Variants in WNT5B observed in about 807,000 individuals in gnomAD.
The protein encoded by WNT5B is protein Wnt-5b.
In WNT5B, 18 loss-of-function variants were observed where a neutral mutation model predicts 36.5. The observed-to-expected ratio is 0.49, with a 90% CI of 0.34 to 0.73. The LOEUF is 0.73. Ranked by LOEUF, WNT5B falls within the 30% of genes least tolerant of loss-of-function variation. WNT5B has a pLI of 0.01. For synonymous variants in WNT5B, 213 were observed against 212.3 expected, an observed-to-expected ratio of 1.00 and a Z score of -0.03; for missense variants, 424 against 508.4, an observed-to-expected ratio of 0.83 and a Z score of 1.60.
intron 1 of WNT5B, among the ~76,000 whole-genome samples, chr12:1,622,195 C>G (rs1340240147): frequency 2.0e-5 from 3 of 151,174 alleles, no homozygotes; most frequent in African/African-American, 7.3e-5. Context: ...ACTGCAAGCT[C>G]CGCTTCCCGG....
In WNT5B at chr12:1,618,591, C is replaced by G. The variant is rs1486504900; in HGVS notation, c.-58+1448C>G. Among the ~76,000 whole-genome samples the G allele has an allele frequency of 6.6e-6, 1 of 152,230 alleles. No individual in the cohort carries two copies. Among genetic ancestry groups the G allele is most frequent in the Non-Finnish European group, 1.5e-5 (1 of 68,044 alleles). ...TGACCTGTGACCTATACACTTCTGCCTTCTTTTCTAGAGCATATTTTAAAA... is the reference window on the plus strand; with the variant it reads ...TGACCTGTGACCTATACACTTCTGCGTTCTTTTCTAGAGCATATTTTAAAA... On this transcript the variant is annotated intron_variant, in intron 1 of 4. Coordinates refer to the WNT5B transcript ENST00000310594. The surrounding 1 kb of genome is among the most constrained non-coding windows in gnomAD (Gnocchi z 4.1).
At chr12:1,634,390 A>T (rs10848539) in intron 3 of WNT5B, among the ~76,000 whole-genome samples, 116,145 of 152,116 alleles carry the variant, frequency 0.76, 44,648 homozygotes, top group East Asian at 0.98. Context: ...GAAGACCTAA[A>T]GTAGGCCTGA....
Position 1,633,033 on chromosome 12 carries a change from G to C in WNT5B, c.328+128G>C. Reference sequence around the variant, plus strand: ...CCTAAGTGGGCTCTCTCTAGGCTTGGCAGCAGTGTGCACCACGAGAGAGGC... The same window carrying C: ...CCTAAGTGGGCTCTCTCTAGGCTTGCCAGCAGTGTGCACCACGAGAGAGGC... On this transcript the variant is annotated intron_variant, in intron 3 of 4. Transcript: ENST00000397196. This position sits in a 1 kb window ranked among gnomAD's most constrained non-coding sequence, Gnocchi z 4.8. 7.4e-7 allele frequency: 1 copy of C among 1,355,828 alleles called. No homozygotes were observed. The highest frequency in any genetic ancestry group is 9.9e-7 in the Non-Finnish European group (1 of 1,013,682). The allele number at this position is 1,355,828 out of a possible 1,614,324, so 84.0% of individuals were successfully genotyped here. A position where few individuals can be genotyped will look rare whatever the true frequency, so the allele number is the denominator to read the frequency against.
chr12:1,637,581 CAA>C (rs61542245), intron 3 of WNT5B, among the ~76,000 whole-genome samples: 1,579 of 110,362 alleles, frequency 0.014, 17 homozygotes, highest in African/African-American at 0.03. Flanking sequence ...ACTAAACATA[CAA>C]AAAAAAAAAA....
intron 3 of WNT5B, among the ~76,000 whole-genome samples, chr12:1,635,966 CAAG>C (rs2094559874): frequency 6.6e-6 from 1 of 152,154 alleles, no homozygotes; most frequent in South Asian, 2.1e-4. Context: ...CCCAGATAAT[CAAG>C]AAGTAGGGCC....
At chr12:1,626,194 A>G (rs1356918276), upstream of WNT5B, among the ~76,000 whole-genome samples, 1 of 151,852 alleles carries the variant, frequency 6.6e-6, no homozygotes, top group Non-Finnish European at 1.5e-5. Context: ...CCTGGGCTCA[A>G]GCAAGCCTCC....
At chr12:1,623,474 C>T (rs896713501) in intron 1 of WNT5B, among the ~76,000 whole-genome samples, 47 of 152,198 alleles carry the variant, frequency 3.1e-4, no homozygotes, top group African/African-American at 1.0e-3. Context: ...GGATTACAGG[C>T]TTGAGCCACC....
At chr12:1,639,170 C>G (rs1307387059) in intron 3 of WNT5B, among the ~76,000 whole-genome samples, 2 of 151,312 alleles carry the variant, frequency 1.3e-5, no homozygotes, top group Non-Finnish European at 2.9e-5. Context: ...CAGAGTCTCA[C>G]TCTGTCGCCC....
intron 3 of WNT5B, 67 bp from the exon 4 acceptor site, chr12:1,639,617 C>CGGGGGGAAGGACAGGTCCCCGGGA (rs2094570113): frequency 1.4e-6 from 2 of 1,424,226 alleles, no homozygotes; most frequent in South Asian, 3.0e-5. Flanking sequence ...TCGGGGGAGA[C>CGGGGGGAAGGACAGGTCCCCGGGA]GGGGGGAAGG....
chr12:1,619,668 C>G (rs2154439211), intron 1 of WNT5B, among the ~76,000 whole-genome samples: 1 of 152,036 alleles, frequency 6.6e-6, no homozygotes, highest in South Asian at 2.1e-4. Flanking sequence ...AAAAGTGAGA[C>G]AGAGGGTGAT....
intron 1 of WNT5B, among the ~76,000 whole-genome samples, chr12:1,623,599 C>T (rs1247774850): frequency 6.6e-6 from 1 of 152,158 alleles, no homozygotes; most frequent in South Asian, 2.1e-4. Context: ...TTTGTGCTAT[C>T]GAAGTAAGAG....
At chr12:1,637,011 T>A (rs1415160508) in intron 3 of WNT5B, among the ~76,000 whole-genome samples, 3 of 152,046 alleles carry the variant, frequency 2.0e-5, no homozygotes, top group African/African-American at 7.2e-5. Context: ...CCCAGCTTAA[T>A]TTTTTTCTTT....
chr12:1,626,236 G>A (rs1391087912), upstream of WNT5B, among the ~76,000 whole-genome samples: 1 of 151,770 alleles, frequency 6.6e-6, no homozygotes, highest in Non-Finnish European at 1.5e-5. Context: ...TGGGATTATA[G>A]GTGTGAGCTA....
rs1205479686 is a variant in WNT5B at position 1,633,111 on chromosome 12, T to C, written c.328+206T>C. 6.6e-6 allele frequency among the ~76,000 whole-genome samples: 1 copy of C among 152,096 alleles called. No homozygotes were observed. Among genetic ancestry groups the C allele is most frequent in the Admixed American group, 6.5e-5 (1 of 15,280 alleles). On this transcript the variant is annotated intron_variant, in intron 3 of 4. Coordinates refer to ENST00000397196, the MANE Select transcript of WNT5B (RefSeq NM_032642.3). This position sits in a 1 kb window ranked among gnomAD's most constrained non-coding sequence, Gnocchi z 4.8. ...GCAGAAACCACACGCTTGATGTTCC[T>C]CTAGCTCTCTGCCTTCCAGCCTCAC...
chr12:1,634,790 C>T (rs760874975), intron 3 of WNT5B, among the ~76,000 whole-genome samples: 3 of 152,152 alleles, frequency 2.0e-5, no homozygotes, highest in African/African-American at 2.4e-5. Flanking sequence ...CACCAGAGGG[C>T]GGCAGAGCAG....
intron 3 of WNT5B, 26 bp from the exon 4 acceptor site, chr12:1,639,658 C>T (rs1012690943): frequency 4.0e-6 from 6 of 1,485,216 alleles, no homozygotes; most frequent in South Asian, 1.4e-5. Flanking sequence ...AGCGCACCCG[C>T]TTACCGCCCT....
chr12:1,639,566 CTGCCCCAGGGGTGTCAGCAGAGCCG>C, intron 3 of WNT5B, 93 bp from the exon 4 acceptor site: 1 of 1,188,072 alleles, frequency 8.4e-7, no homozygotes, highest in Non-Finnish European at 1.1e-6. Context: ...GCGAAGCCCC[CTGCCCCAGGGGTGTCAGCAGAGCCG>C]TGGCGTGCGG....
chr12:1,638,205 T>C (rs1390600837), intron 3 of WNT5B, among the ~76,000 whole-genome samples: 1 of 151,946 alleles, frequency 6.6e-6, no homozygotes, highest in Non-Finnish European at 1.5e-5. Flanking sequence ...GAGATTGTGC[T>C]ACTGCACTCC....
chr12:1,640,636 G>A (rs2094573258), intron 4 of WNT5B, among the ~76,000 whole-genome samples: 1 of 152,208 alleles, frequency 6.6e-6, no homozygotes, highest in Admixed American at 6.5e-5. Flanking sequence ...GGGGAGCTGG[G>A]TTCATTGTAT....
Sources: allele counts gnomAD v4.1 joint callset (sites outside exome capture counted in the v4.1 genomes callset), GRCh38; gene constraint gnomAD v4.1.1; non-coding constraint Gnocchi (gnomAD v3.1); transcripts MANE v1.5; gene names NCBI Gene and HGNC (gene_info 2026-07-23, HGNC 2026-07-21).